The following WDR49 variants were observed in gnomAD, a reference collection of about 807,000 sequenced individuals.
WDR49 encodes the protein WD repeat domain 49, also known as cilia- and flagella-associated protein 337.
A neutral mutation model predicts 119.5 loss-of-function variants in WDR49; 107 were observed. The ratio of observed to expected loss-of-function variants is 0.90; its 90% CI spans 0.77 to 1.05. The LOEUF is 1.05. Among genes scored for constraint, WDR49 ranks in the 50% least tolerant of loss-of-function variants. WDR49 has a pLI of 0.00. For synonymous variants in WDR49, 425 were observed against 418.8 expected, an observed-to-expected ratio of 1.01 and a Z score of -0.18; for missense variants, 1,240 against 1,220.5, an observed-to-expected ratio of 1.02 and a Z score of -0.24.
intron 5 of WDR49, among the ~76,000 whole-genome samples, chr3:167,619,761 T>A (rs1157878769): frequency 6.6e-6 from 1 of 152,144 alleles, no homozygotes; most frequent in African/African-American, 2.4e-5. Context: ...ATACTCAGTA[T>A]CTAAACAAAG....
intron 2 of WDR49, among the ~76,000 whole-genome samples, chr3:167,631,117 G>T (rs901526627): frequency 1.3e-5 from 2 of 151,978 alleles, no homozygotes; most frequent in African/African-American, 2.4e-5. Context: ...GGCCTGTCAG[G>T]GGGTGGGGAG....
intron 2 of WDR49, among the ~76,000 whole-genome samples, chr3:167,634,233 C>A (rs561081212): frequency 5.3e-5 from 8 of 152,002 alleles, no homozygotes; most frequent in Non-Finnish European, 1.2e-4. Context: ...TCTGTTAGAA[C>A]TCCTCTTCTA....
chr3:167,583,039 TTAAC>T (rs1714631057), intron 7 of WDR49, among the ~76,000 whole-genome samples: 1 of 151,466 alleles, frequency 6.6e-6, no homozygotes, highest in Admixed American at 6.6e-5. Context: ...TGCAATAAAT[TTAAC>T]TAATGCCAAC....
rs58260090 is a variant in WDR49 at position 167,522,009 on chromosome 3, G to GATAGATATATAT, written c.2774+305_2774+306insATATATATCTAT. On this transcript the variant is annotated intron_variant, in intron 16 of 18. Transcript: ENST00000682715. Reference sequence around the variant, plus strand: ...AGATAGATAGATAGATAGATAGATAGATAGATAGATTGTTTTTGAAGAAAG... The same window carrying GATAGATATATAT: ...AGATAGATAGATAGATAGATAGATAGATAGATATATATATAGATAGATTGTTTTTGAAGAAAG... Among the ~76,000 whole-genome samples the GATAGATATATAT allele has an allele frequency of 6.3e-4, 91 of 144,172 alleles. No individual in the cohort carries two copies. The East Asian group carries it at 6.5e-3, about 10-fold the overall frequency. 94.6% of individuals were successfully genotyped at this position (144,172 alleles called of 152,430 possible).
intron 10 of WDR49, among the ~76,000 whole-genome samples, chr3:167,546,455 T>G (rs185007814): frequency 5.3e-5 from 8 of 151,962 alleles, no homozygotes; most frequent in African/African-American, 9.6e-5. Context: ...CAAGTAAAAT[T>G]AAAGTTCAGA....
chr3:167,570,670 A>G (rs1010039132), intron 8 of WDR49, among the ~76,000 whole-genome samples: 2 of 152,220 alleles, frequency 1.3e-5, no homozygotes. Flanking sequence ...ATTTTTTAAC[A>G]GGAAAGTTTT....
At chr3:167,580,979 T>G (rs533950579) in intron 7 of WDR49, among the ~76,000 whole-genome samples, 1 of 152,288 alleles carries the variant, frequency 6.6e-6, no homozygotes, top group African/African-American at 2.4e-5. Flanking sequence ...TTTATTTAAA[T>G]TGATCTGTAT....
chr3:167,599,860 T>G (rs11917638), intron 7 of WDR49, among the ~76,000 whole-genome samples: 1,859 of 152,208 alleles, frequency 0.012, 26 homozygotes, highest in African/African-American at 0.043. Context: ...TCACCTGAAG[T>G]CAACACATCT....
intron 2 of WDR49, among the ~76,000 whole-genome samples, chr3:167,643,613 C>T (rs1268275134): frequency 6.6e-6 from 1 of 151,936 alleles, no homozygotes; most frequent in Non-Finnish European, 1.5e-5. Context: ...AGTTGAATTT[C>T]CTGTGTACAA....
chr3:167,608,832 T>C (rs1716190386), intron 5 of WDR49, among the ~76,000 whole-genome samples: 1 of 151,634 alleles, frequency 6.6e-6, no homozygotes, highest in African/African-American at 2.4e-5. Context: ...TACTTTTATA[T>C]AACATTATAG....
intron 5 of WDR49, among the ~76,000 whole-genome samples, chr3:167,615,640 A>G (rs987601027): frequency 1.3e-5 from 2 of 152,158 alleles, no homozygotes; most frequent in African/African-American, 2.4e-5. Flanking sequence ...AGAAACTAAT[A>G]GGAATTATTA....
intron 8 of WDR49, among the ~76,000 whole-genome samples, chr3:167,567,942 T>C (rs1316665830): frequency 6.6e-6 from 1 of 152,204 alleles, no homozygotes; most frequent in African/African-American, 2.4e-5. Flanking sequence ...CAGCTGATGT[T>C]TGTCTTTTCC....
chr3:167,557,747 C>T (rs573355014), intron 9 of WDR49, among the ~76,000 whole-genome samples: 14 of 116,534 alleles, frequency 1.2e-4, no homozygotes, highest in South Asian at 5.7e-4. Flanking sequence ...AGCGAGACTC[C>T]GTCTCAAAAA....
intron 2 of WDR49, among the ~76,000 whole-genome samples, chr3:167,644,057 C>CT (rs1202109148): frequency 0.029 from 3,991 of 137,082 alleles, 127 homozygotes; most frequent in East Asian, 0.1. Flanking sequence ...CAATCCCCAC[C>CT]TTTTTTTTTT....
intron 7 of WDR49, among the ~76,000 whole-genome samples, chr3:167,577,192 A>T (rs1036740809): frequency 6.6e-6 from 1 of 152,070 alleles, no homozygotes; most frequent in Non-Finnish European, 1.5e-5. Flanking sequence ...CTATTTTCTC[A>T]TGGCTCCCTT....
At chr3:167,487,548 A>T (rs189690106) in intron 18 of WDR49, among the ~76,000 whole-genome samples, 3 of 152,198 alleles carry the variant, frequency 2.0e-5, no homozygotes, top group Admixed American at 6.6e-5. Context: ...TTAAATAAAA[A>T]AGCTTCATCA....
intron 16 of WDR49, among the ~76,000 whole-genome samples, chr3:167,510,283 A>G (rs897520384): frequency 6.6e-6 from 1 of 152,188 alleles, no homozygotes; most frequent in Non-Finnish European, 1.5e-5. Context: ...TAATTTTATA[A>G]TAAGGAAATA....
At chr3:167,587,970 T>A (rs1213017928) in intron 7 of WDR49, among the ~76,000 whole-genome samples, 2 of 152,164 alleles carry the variant, frequency 1.3e-5, no homozygotes, top group African/African-American at 2.4e-5. Flanking sequence ...TATATTATGT[T>A]AGATATTGTA....
chr3:167,502,979 A>G lies in WDR49; in HGVS notation c.2884+2328T>C, dbSNP rs137958226. Among the ~76,000 whole-genome samples, 201 of 152,364 alleles carry G rather than the reference A, an allele frequency of 1.3e-3. 4 individuals are homozygous for G. The East Asian group carries it at 0.03, about 23-fold the overall frequency. ...ATAACTAAAAGAGAGCCAAGAGCTA[A>G]TATCCAAGACAACAGAAAAAAGGCC... is the stretch of plus-strand genomic sequence containing the variant. On this transcript the variant is annotated intron_variant, in intron 17 of 18. Transcript: ENST00000682715.
Sources: gnomAD v4.1 joint callset for allele counts (sites outside exome capture counted in the v4.1 genomes callset) on GRCh38, gnomAD v4.1.1 for gene constraint, MANE v1.5 for transcripts, NCBI Gene and HGNC (gene_info 2026-07-23, HGNC 2026-07-21) for gene names.